MICAL3: variants seen among roughly 807,000 people sequenced by gnomAD.
The protein encoded by MICAL3 is microtubule associated monooxygenase, calponin and LIM domain containing 3.
MICAL3 carries 62 observed loss-of-function variants against 207.4 expected under a neutral mutation model. That is an observed-to-expected ratio of 0.30 (90% CI 0.24 to 0.37). The LOEUF is 0.37. Among genes scored for constraint, MICAL3 ranks in the 10% least tolerant of loss-of-function variants. The probability of loss-of-function intolerance (pLI) is 1.00; values close to 1 mark genes in which losing one functional copy is unlikely to be tolerated. For missense variants in MICAL3, 2,368 were observed against 2,635.6 expected, an observed-to-expected ratio of 0.90 and a Z score of 2.22; for synonymous variants, 1,077 against 1,069.3, an observed-to-expected ratio of 1.01 and a Z score of -0.14.
rs151150712 is a variant in MICAL3, at chr22:17,991,064, G to A, written c.-75+33217C>T. The stretch of plus-strand genomic sequence containing the variant: ...GCAGCGCAGCAGAGATGGTCCACAC[G>A]GCTCCTGGCGTGCAGATGAATACTG... On this transcript the variant is annotated intron_variant, in intron 1 of 31. Coordinates refer to ENST00000441493, the MANE Select transcript of MICAL3 (RefSeq NM_015241.3). Among the ~76,000 whole-genome samples the A allele has an allele frequency of 2.9e-3, 441 of 152,350 alleles. 3 individuals carry two copies. The highest frequency in any genetic ancestry group is 9.4e-3 in the African/African-American group (390 of 41,574).
chr22:18,017,678 C>T (rs1372099571), intron 1 of MICAL3, among the ~76,000 whole-genome samples: 1 of 151,734 alleles, frequency 6.6e-6, no homozygotes, highest in Admixed American at 6.6e-5. Context: ...CTCTGCCTCC[C>T]GGGTTCAAGT....
At position 17,884,408 on chromosome 22, in the gene MICAL3, CAAAAT is replaced by C. The variant is rs1376362152; in HGVS notation, c.2241+1465_2241+1469del. The C allele has an allele frequency of 5.0e-6, 7 of 1,394,456 alleles. No individual in the cohort carries two copies. The African/African-American group carries it at 1.0e-4, about 21-fold the overall frequency. 86.4% of individuals were successfully genotyped at this position (1,394,456 alleles called of 1,614,324 possible). A position where few individuals can be genotyped will look rare whatever the true frequency, so the allele number is the denominator to read the frequency against. On this transcript the variant is annotated intron_variant, in intron 16 of 31. Coordinates refer to ENST00000441493, the MANE Select transcript of MICAL3 (RefSeq NM_015241.3). Reference sequence around the variant, plus strand: ...GTGGGGACAGGACATGGAGACAAAACAAAATAAAAATACATTAAGGTGGGAGAAGA... The same window carrying C: ...GTGGGGACAGGACATGGAGACAAAACAAAAATACATTAAGGTGGGAGAAGA...
rs75148071 is a variant in MICAL3, at chr22:17,976,900, A to G, written c.-75+47381T>C. ...CGGCTCACTGCAAGCTCCGCCTCCC[A>G]GGTTCACGCCATTCTCCTGCCTCAG... On this transcript the variant is annotated intron_variant, in intron 1 of 31. Transcript: ENST00000441493. Among the ~76,000 whole-genome samples the G allele has an allele frequency of 5.9e-3, 891 of 150,120 alleles. 7 individuals carry two copies. Among genetic ancestry groups the G allele is most frequent in the African/African-American group, 0.021 (841 of 40,658 alleles).
intron 1 of MICAL3, among the ~76,000 whole-genome samples, chr22:17,956,187 C>T (rs1934605017): frequency 6.6e-6 from 1 of 152,226 alleles, no homozygotes; most frequent in Admixed American, 6.5e-5. Context: ...GTGCTGCATG[C>T]TCATCCAGAG....
intron 25 of MICAL3, among the ~76,000 whole-genome samples, chr22:17,820,891 CA>C (rs1921528243): frequency 7.5e-6 from 1 of 133,178 alleles, no homozygotes; most frequent in Non-Finnish European, 1.6e-5. Flanking sequence ...TATTTATAAA[CA>C]TAAATTTTAA....
At chr22:17,991,633 G>A (rs402617) in intron 1 of MICAL3, among the ~76,000 whole-genome samples, 40,305 of 152,054 alleles carry the variant, frequency 0.27, 5,884 homozygotes, top group East Asian at 0.51. Context: ...AGGAAGCAGA[G>A]ATCAGGTGTT....
At chr22:17,835,188 C>T (rs1156712368) in intron 20 of MICAL3, among the ~76,000 whole-genome samples, 1 of 151,516 alleles carries the variant, frequency 6.6e-6, no homozygotes, top group East Asian at 1.9e-4. Flanking sequence ...CACGGGAGCA[C>T]AGAAGACAGC....
chr22:17,800,205 T>C (rs5747363), intron 29 of MICAL3, among the ~76,000 whole-genome samples: 2 of 152,200 alleles, frequency 1.3e-5, no homozygotes, highest in Admixed American at 1.3e-4. Flanking sequence ...CTAAACCTTT[T>C]GTGTTCTTTA....
intron 27 of MICAL3, among the ~76,000 whole-genome samples, chr22:17,816,202 A>C (rs1204348879): frequency 1.3e-5 from 2 of 152,240 alleles, no homozygotes; most frequent in Non-Finnish European, 2.9e-5. Context: ...GCAGCCCTGC[A>C]GGTCAGTTCC....
At position 17,879,516 on chromosome 22, in the gene MICAL3, C is replaced by A. The variant is rs899221949; in HGVS notation, c.2241+6362G>T. ...TGCAGAGTTCAACACATATCGCCTT[C>A]CCCTACTAACCCCATCCCCAGGTAA... On this transcript the variant is annotated intron_variant, in intron 16 of 31. Coordinates refer to ENST00000441493, the MANE Select transcript of MICAL3 (RefSeq NM_015241.3). 4.2e-6 allele frequency: 3 copies of A among 710,018 alleles called. No homozygotes were observed. In the African/African-American group the frequency reaches 5.4e-5, roughly 13 times the overall value. The allele number at this position is 710,018 out of a possible 1,614,324, so 44.0% of individuals were successfully genotyped here. A position where few individuals can be genotyped will look rare whatever the true frequency, so the allele number is the denominator to read the frequency against.
rs955111421 is a variant in MICAL3 at position 17,818,847 on chromosome 22, C to G, written c.3814G>C (p.Val1272Leu). The stretch of plus-strand genomic sequence containing the variant: ...ATGGGGGACTGGGTAGGGGATGGGA[C>G]AGTGGCCTCGGTGGAAGGCTGGGGC... ...SQPQPSTEAT[V>L]PSPTQSPIRF... The change falls in exon 26 of 32, where the codon GTC (valine) becomes CTC (leucine). Residue 1272 changes from valine (V) to leucine (L), a missense_variant. This residue lies in a region of MICAL3 where 1,770 missense variants were observed against 1,863.2 expected (regional missense o/e 0.95). Transcript: ENST00000441493. The G allele has an allele frequency of 6.5e-7, 1 of 1,546,686 alleles. No individual in the cohort carries two copies. The highest frequency in any genetic ancestry group is 1.9e-5 in the Admixed American group (1 of 53,122).
In MICAL3 at chr22:17,808,861, G is replaced by C. The variant is rs748416314; in HGVS notation, c.5633C>G (p.Ala1878Gly). Residue 1878 changes from alanine to glycine, a missense_variant, in exon 29 of 32, where the codon GCG becomes GGG. Physicochemically the swap from Ala to Gly is moderately conservative, Grantham distance 60. Around this residue, in one of 4 missense-constraint regions of MICAL3, gnomAD observed 1,770 missense variants for 1,863.2 expected, o/e 0.95. Coordinates refer to ENST00000441493, the MANE Select transcript of MICAL3 (RefSeq NM_015241.3). ...LEERGVAVEKALRGEAGMGKK... is the reference protein window; with the variant it reads ...LEERGVAVEKGLRGEAGMGKK... ...GGCAGTACCTGCTTCGCCCCGGAGCGCCTTCTCCACAGCCACGCCCCTTTC... is the reference window on the plus strand; with the variant it reads ...GGCAGTACCTGCTTCGCCCCGGAGCCCCTTCTCCACAGCCACGCCCCTTTC... The C allele has an allele frequency of 6.4e-6, 10 of 1,552,674 alleles. No homozygotes were observed. The highest frequency in any genetic ancestry group is 8.7e-6 in the Non-Finnish European group (10 of 1,147,950).
chr22:17,969,264 C>G (rs1425713544), intron 1 of MICAL3, among the ~76,000 whole-genome samples: 1 of 152,232 alleles, frequency 6.6e-6, no homozygotes, highest in African/African-American at 2.4e-5. Flanking sequence ...TGGTCTTGAA[C>G]TCCTGACCTC....
chr22:17,957,726 A>G (rs404740), intron 1 of MICAL3, among the ~76,000 whole-genome samples: 32,795 of 115,702 alleles, frequency 0.28, 4,305 homozygotes, highest in East Asian at 0.46. Context: ...AAAAAAAAAA[A>G]AGAGAGAGAA....
At chr22:17,865,277 T>A (rs542139029) in intron 18 of MICAL3, among the ~76,000 whole-genome samples, 133 of 152,046 alleles carry the variant, frequency 8.7e-4, no homozygotes, top group African/African-American at 3.0e-3. Context: ...TAGGTGCACC[T>A]CTTCCTGCCA....
chr22:17,843,378 T>C (rs1924269852), intron 19 of MICAL3, among the ~76,000 whole-genome samples: 1 of 152,156 alleles, frequency 6.6e-6, no homozygotes, highest in Admixed American at 6.5e-5. Context: ...ATGAGTCCTC[T>C]GGTGTGTCCC....
intron 1 of MICAL3, among the ~76,000 whole-genome samples, chr22:17,997,045 C>G (rs928327448): frequency 1.5e-5 from 2 of 132,556 alleles, no homozygotes; most frequent in African/African-American, 2.8e-5. Flanking sequence ...ATCTCCCCAT[C>G]TAGTCTTTTT....
intron 20 of MICAL3, among the ~76,000 whole-genome samples, chr22:17,836,234 G>A (rs1602012389): frequency 6.6e-6 from 1 of 152,220 alleles, no homozygotes; most frequent in Admixed American, 6.5e-5. Flanking sequence ...CAAGAGGGGC[G>A]GATCCGAGGA....
At chr22:17,971,531 T>C (rs1935412559) in intron 1 of MICAL3, among the ~76,000 whole-genome samples, 1 of 151,244 alleles carries the variant, frequency 6.6e-6, no homozygotes, top group Non-Finnish European at 1.5e-5. Flanking sequence ...ACTGCATTCA[T>C]CTAGCATTCA....
Sources: gnomAD v4.1 joint callset for allele counts (sites outside exome capture counted in the v4.1 genomes callset) on GRCh38, gnomAD v4.1.1 for gene constraint, gnomAD v4.1.1 regional missense constraint, MANE v1.5 for transcripts, NCBI Gene and HGNC (gene_info 2026-07-23, HGNC 2026-07-21) for gene names.